Variants in MYO1D observed in about 807,000 individuals in gnomAD.
The protein encoded by MYO1D is myosin ID.
In MYO1D, 83 loss-of-function variants were observed where a neutral mutation model predicts 122.0. The ratio of observed to expected loss-of-function variants is 0.68; its 90% confidence interval spans 0.57 to 0.82. MYO1D has a LOEUF of 0.82. Ranked by LOEUF, MYO1D falls within the 40% of genes least tolerant of loss-of-function variation. MYO1D has a pLI of 0.00. For missense variants in MYO1D, 1,157 were observed against 1,269.5 expected (o/e 0.91, Z 1.35); for synonymous variants, 464 against 446.9 (o/e 1.04, Z -0.48).
At chr17:32,684,811 T>TGCA (rs2150969729) in intron 16 of MYO1D, among the ~76,000 whole-genome samples, 1 of 152,330 alleles carries the variant, frequency 6.6e-6, no homozygotes, top group African/African-American at 2.4e-5. Context: ...GCTGCCAATT[T>TGCA]GCCAATGAAC....
At chr17:32,528,446 T>C (rs1037488389) in intron 21 of MYO1D, among the ~76,000 whole-genome samples, 1 of 151,970 alleles carries the variant, frequency 6.6e-6, no homozygotes, top group African/African-American at 2.4e-5. Context: ...TGTGTATATG[T>C]GTGTGTGCGT....
intron 21 of MYO1D, chr17:32,504,652 T>C (rs1232397605): frequency 3.3e-5 from 5 of 152,266 alleles, no homozygotes; most frequent in African/African-American, 1.2e-4. Context: ...TTATACATTA[T>C]TTCACAGTGG....
At chr17:32,766,232 T>C (rs1194199031) in intron 7 of MYO1D, among the ~76,000 whole-genome samples, 1 of 152,064 alleles carries the variant, frequency 6.6e-6, no homozygotes, top group Non-Finnish European at 1.5e-5. Context: ...AGTGTTTGAG[T>C]CTATTTATAT....
intron 16 of MYO1D, among the ~76,000 whole-genome samples, chr17:32,710,479 C>G (rs1036815398): frequency 1.3e-5 from 2 of 152,106 alleles, no homozygotes; most frequent in Non-Finnish European, 2.9e-5. Flanking sequence ...AAAGGTAAAA[C>G]CATACAGTTC....
At chr17:32,771,056 T>C (rs2090107668) in intron 6 of MYO1D, 69 bp downstream of exon 6, 2 of 1,204,864 alleles carry the variant, frequency 1.7e-6, no homozygotes, top group Non-Finnish European at 2.4e-6. Context: ...GACCAGATAA[T>C]TATTGAATGT....
Position 32,780,561 on chromosome 17 carries a change from AT to A in MYO1D, c.304+14del. The stretch of plus-strand genomic sequence containing the variant: ...CATTGTGACTTTGGAAATACAGGGG[AT>A]CCCCTCCAATTACCTGATATCACAA... On this transcript the variant is annotated intron_variant, in intron 2 of 21. Transcript: ENST00000318217. 1 of 1,609,296 alleles carries A rather than the reference AT, an allele frequency of 6.2e-7. No individual in the cohort carries two copies. Among genetic ancestry groups the A allele is most frequent in the African/African-American group, 1.4e-5 (1 of 73,738 alleles).
At chr17:32,683,535 G>C (rs1170512807) in intron 16 of MYO1D, among the ~76,000 whole-genome samples, 1 of 152,004 alleles carries the variant, frequency 6.6e-6, no homozygotes, top group Non-Finnish European at 1.5e-5. Context: ...TGCCCCTGCT[G>C]GGGGGTGCCT....
intron 21 of MYO1D, among the ~76,000 whole-genome samples, chr17:32,545,478 T>C (rs1597888090): frequency 6.6e-6 from 1 of 152,130 alleles, no homozygotes; most frequent in East Asian, 1.9e-4. Flanking sequence ...ATTGAACTAA[T>C]GGGGAAAGGA....
rs771811086 is a variant in MYO1D at position 32,767,664 on chromosome 17, T to C, written c.803A>G (p.Tyr268Cys). The change falls in exon 7 of 22, where the codon TAT becomes TGT. Residue 268 changes from tyrosine (Y) to cysteine (C), a missense_variant. Coordinates refer to ENST00000318217, the MANE Select transcript of MYO1D (RefSeq NM_015194.3). ...GTGCAGAATAGCAGCCAAAATCTTA[T>C]ACACTGTTTGGATCTCCTCAGGTTT... ...GFKPEEIQTV[Y>C]KILAAILHLG... is the part of the protein sequence containing the mutation. 3 of 1,613,190 alleles carry C rather than the reference T, an allele frequency of 1.9e-6. No homozygotes were observed. The highest frequency in any genetic ancestry group is 3.3e-5 in the Admixed American group (2 of 60,000).
intron 1 of MYO1D, among the ~76,000 whole-genome samples, chr17:32,847,236 G>A (rs1401188969): frequency 6.6e-6 from 1 of 152,158 alleles, no homozygotes; most frequent in African/African-American, 2.4e-5. Flanking sequence ...TTTATAGAAT[G>A]GAACATCAGT....
At chr17:32,552,401 A>AATCCATCCATCCATCCATCC (rs71870663) in intron 21 of MYO1D, among the ~76,000 whole-genome samples, 1 of 128,252 alleles carries the variant, frequency 7.8e-6, no homozygotes, top group Non-Finnish European at 1.7e-5. Context: ...TAACCTTTGT[A>AATCCATCCATCCATCCATCC]ATCCATCCAT....
chr17:32,682,541 GT>G (rs2088935793), intron 16 of MYO1D, among the ~76,000 whole-genome samples: 1 of 151,576 alleles, frequency 6.6e-6, no homozygotes. Context: ...GAAATTGCGG[GT>G]TGAAAATTCT....
chr17:32,520,978 A>G (rs1910116382), intron 21 of MYO1D, among the ~76,000 whole-genome samples: 1 of 152,248 alleles, frequency 6.6e-6, no homozygotes, highest in African/African-American at 2.4e-5. Flanking sequence ...TGCTGAGAAC[A>G]TAGGGCGGGG....
At chr17:32,866,435 G>A (rs552400009) in intron 1 of MYO1D, among the ~76,000 whole-genome samples, 5 of 152,094 alleles carry the variant, frequency 3.3e-5, no homozygotes, top group Non-Finnish European at 5.9e-5. Flanking sequence ...CCTGCTGCCC[G>A]TCCCTTCCCA....
At chr17:32,826,403 T>C (rs551299315) in intron 1 of MYO1D, among the ~76,000 whole-genome samples, 2 of 152,308 alleles carry the variant, frequency 1.3e-5, no homozygotes, top group Admixed American at 6.5e-5. Flanking sequence ...AAAAAATACA[T>C]AGAGATGCTT....
intron 16 of MYO1D, among the ~76,000 whole-genome samples, chr17:32,673,972 A>G (rs1279750951): frequency 6.6e-6 from 1 of 152,248 alleles, no homozygotes; most frequent in Non-Finnish European, 1.5e-5. Flanking sequence ...GGAAACATCT[A>G]TGATATTCTA....
At chr17:32,572,065 C>G (rs2087234934) in intron 21 of MYO1D, among the ~76,000 whole-genome samples, 1 of 152,116 alleles carries the variant, frequency 6.6e-6, no homozygotes, top group Non-Finnish European at 1.5e-5. Flanking sequence ...AACCCCTGCT[C>G]TCCTCCTCAT....
chr17:32,710,972 A>T (rs2089368903), intron 16 of MYO1D, among the ~76,000 whole-genome samples: 1 of 152,202 alleles, frequency 6.6e-6, no homozygotes, highest in Non-Finnish European at 1.5e-5. Flanking sequence ...TGGCGGTGCA[A>T]ACTGGCTCAT....
intron 5 of MYO1D, among the ~76,000 whole-genome samples, chr17:32,772,353 A>T (rs1216624228): frequency 6.6e-6 from 1 of 152,224 alleles, no homozygotes; most frequent in Non-Finnish European, 1.5e-5. Context: ...TTTAAAAGTA[A>T]TCATATTGCT....
Sources: allele counts gnomAD v4.1 joint callset (sites outside exome capture counted in the v4.1 genomes callset), GRCh38; gene constraint gnomAD v4.1.1; transcripts MANE v1.5; gene names NCBI Gene and HGNC (gene_info 2026-07-23, HGNC 2026-07-21).